The following DNAH10 variants were observed in gnomAD, a reference collection of about 807,000 sequenced individuals.
DNAH10 encodes the protein axonemal beta dynein heavy chain 10.
In DNAH10, 348 loss-of-function variants were observed where a neutral mutation model predicts 506.6. The ratio of observed to expected loss-of-function variants is 0.69; its 90% CI spans 0.63 to 0.75. The LOEUF is 0.75. DNAH10 is among the 30% of genes least tolerant of loss of function. DNAH10 has a pLI of 0.00. For synonymous variants in DNAH10, 2,059 were observed against 2,198.6 expected (o/e 0.94, Z 1.78); for missense variants, 5,179 against 5,787.1 (o/e 0.89, Z 3.41).
intron 25 of DNAH10, among the ~76,000 whole-genome samples, chr12:123,827,117 C>A (rs1960076377): frequency 8.0e-6 from 1 of 124,782 alleles, no homozygotes; most frequent in African/African-American, 3.7e-5. Flanking sequence ...AGAAAGATCC[C>A]AGCAGGTGCA....
chr12:123,763,024 C>T (rs1956887186), intron 1 of DNAH10, among the ~76,000 whole-genome samples: 1 of 152,166 alleles, frequency 6.6e-6, no homozygotes, highest in Non-Finnish European at 1.5e-5. Context: ...CTGTCACTCT[C>T]CTTGACGGTC....
intron 25 of DNAH10, among the ~76,000 whole-genome samples, chr12:123,828,814 T>C (rs1960241107): frequency 6.6e-6 from 1 of 152,164 alleles, no homozygotes; most frequent in South Asian, 2.1e-4. Context: ...TGGTGGTGTT[T>C]GTCCAAGATG....
At chr12:123,831,468 G>A (rs1346742330) in intron 26 of DNAH10, among the ~76,000 whole-genome samples, 1 of 152,210 alleles carries the variant, frequency 6.6e-6, no homozygotes, top group East Asian at 1.9e-4. Context: ...ACCTAGCTGG[G>A]ATGACTACTG....
rs577250491 is a variant in DNAH10 at position 123,920,800 on chromosome 12, G to C, written c.11506+1851G>C. ...TTGTTTATTTTTGGAGACAGGGTCT[G>C]GCTCTGATGCCCAGGCTAGGGTGCA... On this transcript the variant is annotated intron_variant, in intron 65 of 78. Transcript: ENST00000673944. Among the ~76,000 whole-genome samples, 19 of 152,178 alleles carry C rather than the reference G, an allele frequency of 1.2e-4. No individual in the cohort carries two copies. The South Asian group carries it at 2.3e-3, about 18-fold the overall frequency.
chr12:123,809,918 G>A (rs751935942), intron 19 of DNAH10, among the ~76,000 whole-genome samples: 1 of 152,138 alleles, frequency 6.6e-6, no homozygotes, highest in Non-Finnish European at 1.5e-5. Context: ...CTCCATAGCT[G>A]TTCCCTCACC....
intron 12 of DNAH10, 66 bp from the exon 13 acceptor site, chr12:123,796,590 A>G (rs968012936): frequency 1.4e-6 from 2 of 1,430,136 alleles, no homozygotes; most frequent in Middle Eastern, 1.8e-4. Context: ...AAAGATTCAA[A>G]TCTCATCTTT....
intron 30 of DNAH10, among the ~76,000 whole-genome samples, chr12:123,844,033 G>A (rs181370297): frequency 7.2e-4 from 109 of 152,278 alleles, no homozygotes; most frequent in African/African-American, 2.5e-3. Context: ...TAAAGAAAAA[G>A]GTTTAATTGA....
At chr12:123,875,547 A>G in intron 47 of DNAH10, 56 bp downstream of exon 47, 2 of 1,603,104 alleles carry the variant, frequency 1.2e-6, no homozygotes, top group South Asian at 1.1e-5. Flanking sequence ...GGGGGGAAAC[A>G]TACACAGGGC....
chr12:123,767,299 T>C (rs1025833911), intron 1 of DNAH10, among the ~76,000 whole-genome samples: 2 of 152,202 alleles, frequency 1.3e-5, no homozygotes, highest in African/African-American at 4.8e-5. Flanking sequence ...GTTAAATACG[T>C]TCATAGTGTT....
intron 30 of DNAH10, 62 bp from the exon 31 acceptor site, chr12:123,845,538 A>C: frequency 6.3e-7 from 1 of 1,580,832 alleles, no homozygotes; most frequent in African/African-American, 1.4e-5. Context: ...TCCTGAAGGG[A>C]CTGTTTTGGG....
At chr12:123,870,274 A>G in intron 43 of DNAH10, 92 bp from the exon 44 acceptor site, 1 of 1,513,996 alleles carries the variant, frequency 6.6e-7, no homozygotes, top group South Asian at 1.3e-5. Context: ...CGTGCAGTAC[A>G]AGCAACATTA....
In DNAH10 at chr12:123,879,250, C is replaced by A; in HGVS notation, c.8373-14C>A. The A allele has an allele frequency of 6.4e-7, 1 of 1,561,506 alleles. No homozygotes were observed. Among genetic ancestry groups the A allele is most frequent in the East Asian group, 2.4e-5 (1 of 41,812 alleles). ...GTGACTTCCTGGCTGATTTTTGTCCCTTCCATTCTGCAGATTCCAGACGGT... is the reference window on the plus strand; with the variant it reads ...GTGACTTCCTGGCTGATTTTTGTCCATTCCATTCTGCAGATTCCAGACGGT... On this transcript the variant is annotated splice_polypyrimidine_tract_variant and intron_variant, in intron 48 of 78. Transcript: ENST00000673944.
intron 54 of DNAH10, among the ~76,000 whole-genome samples, chr12:123,895,036 A>C (rs960760356): frequency 1.3e-5 from 2 of 152,202 alleles, no homozygotes; most frequent in African/African-American, 4.8e-5. Flanking sequence ...TTATTGGTAC[A>C]CAGACTCACT....
chr12:123,771,953 T>A (rs904558026), intron 3 of DNAH10, among the ~76,000 whole-genome samples: 1 of 152,194 alleles, frequency 6.6e-6, no homozygotes, highest in African/African-American at 2.4e-5. Context: ...GGAAAAAACG[T>A]GCACAGGACA....
chr12:123,841,857 G>A (rs569800845), intron 30 of DNAH10, among the ~76,000 whole-genome samples: 12 of 152,088 alleles, frequency 7.9e-5, no homozygotes, highest in Non-Finnish European at 2.9e-5. Context: ...GGCTAATTTT[G>A]TACTTTTTTG....
intron 52 of DNAH10, among the ~76,000 whole-genome samples, chr12:123,892,995 G>C (rs12309961): frequency 6.6e-6 from 1 of 152,198 alleles, no homozygotes; most frequent in Non-Finnish European, 1.5e-5. Flanking sequence ...TGATGCTCAC[G>C]GTCATCCTCC....
At position 123,799,394 on chromosome 12, in the gene DNAH10, C is replaced by T. The variant is rs773467231; in HGVS notation, c.2289+23C>T. The T allele has an allele frequency of 6.5e-5, 104 of 1,603,118 alleles. No individual in the cohort carries two copies. In the Middle Eastern group the frequency reaches 1.0e-3, roughly 16 times the overall value. On this transcript the variant is annotated intron_variant, in intron 14 of 78. Coordinates refer to ENST00000673944, the MANE Select transcript of DNAH10 (RefSeq NM_001372106.1). ...AAGGTGCGCTGCCCACGCCCTCATT[C>T]CCGATTGCCGCGTGAGACGATGGCG...
rs1956868153 is a variant in DNAH10 at position 123,762,613 on chromosome 12, C to T, written c.214+63C>T. The T allele has an allele frequency of 2.7e-6, 4 of 1,478,408 alleles. No individual in the cohort carries two copies. The highest frequency in any genetic ancestry group is 1.8e-6 in the Non-Finnish European group (2 of 1,107,952). The allele number at this position is 1,478,408 out of a possible 1,614,324, so 91.6% of individuals were successfully genotyped here. On this transcript the variant is annotated intron_variant, in intron 1 of 78. Transcript: ENST00000673944. The surrounding 1 kb of genome is among the most constrained non-coding windows in gnomAD (Gnocchi z 5.0). ...CTCCTGCCCGTCCCGGCCTCTCCGG[C>T]GGGCGCCGGGGCTGCTAGAGCCTGC... is the stretch of plus-strand genomic sequence containing the variant.
Position 123,850,947 on chromosome 12 carries a change from C to T in DNAH10, c.6162C>T (p.Pro2054=), listed in dbSNP as rs182424113. The part of the protein sequence containing the change: ...SRMGIFITMN[P]GYAGRTELPE... Reference sequence around the variant, plus strand: ...TGGGCATCTTCATCACCATGAACCCCGGCTACGCAGGCCGCACGGAGCTGC... The same window carrying T: ...TGGGCATCTTCATCACCATGAACCCTGGCTACGCAGGCCGCACGGAGCTGC... The change falls in exon 35 of 79, where the codon CCC becomes CCT. Residue 2054 remains proline (P), a synonymous_variant. Transcript: ENST00000673944. This position sits in a 1 kb window ranked among gnomAD's most constrained non-coding sequence, Gnocchi z 5.5. 1,489 of 1,613,986 alleles carry T rather than the reference C, an allele frequency of 9.2e-4. 33 individuals carry two copies. In the East Asian group the frequency reaches 0.03, roughly 32 times the overall value.
Sources: gnomAD v4.1 joint callset for allele counts (sites outside exome capture counted in the v4.1 genomes callset) on GRCh38, gnomAD v4.1.1 for gene constraint, Gnocchi (gnomAD v3.1) non-coding constraint, MANE v1.5 for transcripts, NCBI Gene and HGNC (gene_info 2026-07-23, HGNC 2026-07-21) for gene names.